PRTFDC1: variants seen among roughly 807,000 people sequenced by gnomAD.
PRTFDC1 encodes the protein phosphoribosyl transferase domain containing 1.
A neutral mutation model predicts 34.6 loss-of-function variants in PRTFDC1; 38 were observed. That is an observed-to-expected ratio of 1.10 (90% confidence interval 0.85 to 1.44). The LOEUF is 1.44. PRTFDC1 is among the 40% of genes most tolerant of loss of function. PRTFDC1 has a pLI of 0.00. For missense variants in PRTFDC1, 270 were observed against 283.0 expected (o/e 0.95, Z 0.33); for synonymous variants, 93 against 98.1 (o/e 0.95, Z 0.31).
chr10:24,883,815 G>A (rs1017971621), intron 3 of PRTFDC1, among the ~76,000 whole-genome samples: 1 of 126,082 alleles, frequency 7.9e-6, no homozygotes, highest in Non-Finnish European at 1.6e-5. Context: ...TTTCTTAAGA[G>A]ACCTTTTTTT....
At chr10:24,926,919 A>T (rs1848884915) in intron 3 of PRTFDC1, among the ~76,000 whole-genome samples, 1 of 152,338 alleles carries the variant, frequency 6.6e-6, no homozygotes, top group South Asian at 2.1e-4. Context: ...TTCACAAGGA[A>T]AAACAAACTC....
At chr10:24,934,429 A>T (rs1254722358) in intron 3 of PRTFDC1, among the ~76,000 whole-genome samples, 2 of 152,202 alleles carry the variant, frequency 1.3e-5, no homozygotes, top group South Asian at 2.1e-4. Context: ...AAGAAGCCAG[A>T]CATGCCTCGT....
chr10:24,882,142 G>A (rs1400593655), intron 3 of PRTFDC1, among the ~76,000 whole-genome samples: 2 of 147,464 alleles, frequency 1.4e-5, no homozygotes, highest in African/African-American at 5.1e-5. Flanking sequence ...GGGAGGCAGA[G>A]GTTGCAGTGA....
chr10:24,899,648 T>A (rs1030755032), intron 3 of PRTFDC1, among the ~76,000 whole-genome samples: 1 of 152,152 alleles, frequency 6.6e-6, no homozygotes. Flanking sequence ...CATGCTATCA[T>A]CAGAGATGCC....
intron 4 of PRTFDC1, among the ~76,000 whole-genome samples, chr10:24,868,982 G>A (rs1463898689): frequency 6.6e-6 from 1 of 152,176 alleles, no homozygotes; most frequent in African/African-American, 2.4e-5. Context: ...GTAATGAGCA[G>A]GTCAGGGTAT....
At chr10:24,937,496 G>A in intron 2 of PRTFDC1, 129 bp from the exon 3 acceptor site, 1 of 683,334 alleles carries the variant, frequency 1.5e-6, no homozygotes, top group South Asian at 3.0e-5. Context: ...TTGGGAAACA[G>A]AAACCCACCG....
intron 1 of PRTFDC1, among the ~76,000 whole-genome samples, chr10:24,950,503 C>G (rs1849323198): frequency 6.6e-6 from 1 of 152,154 alleles, no homozygotes; most frequent in Non-Finnish European, 1.5e-5. Context: ...TTTAACCATT[C>G]TACCAATGCA....
chr10:24,887,964 T>C (rs1848197879), intron 3 of PRTFDC1, among the ~76,000 whole-genome samples: 1 of 152,240 alleles, frequency 6.6e-6, no homozygotes, highest in African/African-American at 2.4e-5. Context: ...TCTCACTATA[T>C]TGCTTAGGCT....
chr10:24,860,340 C>T (rs1847657870), intron 4 of PRTFDC1, among the ~76,000 whole-genome samples: 1 of 152,118 alleles, frequency 6.6e-6, no homozygotes, highest in Non-Finnish European at 1.5e-5. Context: ...AAGATTGCAC[C>T]ACTGCACTCC....
intron 3 of PRTFDC1, among the ~76,000 whole-genome samples, chr10:24,902,015 T>C (rs1171528061): frequency 1.3e-5 from 2 of 151,984 alleles, no homozygotes; most frequent in South Asian, 4.2e-4. Flanking sequence ...TAGGAGGTGG[T>C]GGAGAACAGA....
At position 24,940,823 on chromosome 10, in the gene PRTFDC1, C is replaced by T. The variant is rs139696460; in HGVS notation, c.155+1507G>A. On this transcript the variant is annotated intron_variant, in intron 2 of 8. Coordinates refer to ENST00000320152, the MANE Select transcript of PRTFDC1 (RefSeq NM_020200.7). ...GGTCAATCAATAATTAGCTATTGTA[C>T]GATTTTCTTACGCAAAATGGCCAGA... Among the ~76,000 whole-genome samples, 86 of 152,196 alleles carry T rather than the reference C, an allele frequency of 5.7e-4. 1 individual carries two copies. The East Asian group carries it at 0.016, about 28-fold the overall frequency.
chr10:24,901,550 C>A (rs1037975891), intron 3 of PRTFDC1, among the ~76,000 whole-genome samples: 5 of 152,030 alleles, frequency 3.3e-5, no homozygotes, highest in African/African-American at 1.2e-4. Context: ...CATAGCAAGA[C>A]TCTGTCTCTA....
chr10:24,941,214 T>C lies in PRTFDC1; in HGVS notation c.155+1116A>G, dbSNP rs191947311. 2.2e-3 allele frequency among the ~76,000 whole-genome samples: 340 copies of C among 151,814 alleles called. 3 individuals carry two copies. The highest frequency in any genetic ancestry group is 7.6e-3 in the African/African-American group (315 of 41,408). On this transcript the variant is annotated intron_variant, in intron 2 of 8. Transcript: ENST00000320152. ...GACTACAGGCCTGTGCTACTATGCC[T>C]GACTAATGTTTTTTATTTTTTTGTA...
intron 4 of PRTFDC1, among the ~76,000 whole-genome samples, chr10:24,861,990 T>C (rs1210027485): frequency 1.3e-5 from 2 of 151,950 alleles, no homozygotes; most frequent in Non-Finnish European, 2.9e-5. Context: ...CATATAAATA[T>C]ATACCTGTCA....
Position 24,855,324 on chromosome 10 carries a change from G to A in PRTFDC1, c.547C>T (p.Pro183Ser), listed in dbSNP as rs763633354. 6.2e-7 allele frequency: 1 copy of A among 1,613,742 alleles called. No homozygotes were observed. Residue 183 changes from proline to serine, a missense_variant, in exon 7 of 9, where the codon CCT becomes TCT. Pro to Ser is a moderately conservative substitution (Grantham distance 74). Coordinates refer to ENST00000320152, the MANE Select transcript of PRTFDC1 (RefSeq NM_020200.7). ...AAAACTGAAAAACACTTACAGTCAG[G>A]TCTAAAGCCGTCACTTCTGGATGTT... ...KRTSRSDGFR[P>S]DYAGFEIPNL...
At chr10:24,858,527 C>A in intron 4 of PRTFDC1, 118 bp from the exon 5 acceptor site, 1 of 1,012,456 alleles carries the variant, frequency 9.9e-7, no homozygotes. Context: ...CCTTCCCCAT[C>A]CATCTAATTC....
intron 3 of PRTFDC1, among the ~76,000 whole-genome samples, chr10:24,916,137 T>C (rs1848691703): frequency 6.6e-6 from 1 of 152,180 alleles, no homozygotes; most frequent in South Asian, 2.1e-4. Flanking sequence ...TGTCCACTAA[T>C]GTAAAATTCA....
chr10:24,869,565 A>T (rs2132508578), intron 4 of PRTFDC1, among the ~76,000 whole-genome samples: 1 of 152,328 alleles, frequency 6.6e-6, no homozygotes, highest in South Asian at 2.1e-4. Flanking sequence ...TGTGATGCTC[A>T]AACTGGGCTC....
At chr10:24,896,880 G>T (rs1012719196) in intron 3 of PRTFDC1, among the ~76,000 whole-genome samples, 1 of 152,194 alleles carries the variant, frequency 6.6e-6, no homozygotes, top group African/African-American at 2.4e-5. Flanking sequence ...TTTAAGACCA[G>T]CCTGGACAAC....
Sources: allele counts gnomAD v4.1 joint callset (sites outside exome capture counted in the v4.1 genomes callset), GRCh38; gene constraint gnomAD v4.1.1; transcripts MANE v1.5; gene names NCBI Gene and HGNC (gene_info 2026-07-23, HGNC 2026-07-21).